The following HAUS5 variants were observed in gnomAD, a reference collection of about 807,000 sequenced individuals.
HAUS5 encodes the protein HAUS augmin-like complex subunit 5.
In HAUS5, 67 loss-of-function variants were observed where a neutral mutation model predicts 94.1. That is an observed-to-expected ratio of 0.71 (90% CI 0.58 to 0.87). HAUS5 has a LOEUF of 0.87. HAUS5 is among the 40% of genes least tolerant of loss of function. HAUS5 has a pLI of 0.00. For missense variants in HAUS5, 739 were observed against 825.6 expected (o/e 0.90, Z 1.29); for synonymous variants, 339 against 355.4 (o/e 0.95, Z 0.52).
chr19:35,614,048 G>A lies in HAUS5; in HGVS notation c.208G>A (p.Asp70Asn), dbSNP rs2071919229. The change falls in exon 4 of 19, where the codon GAC becomes AAC. Residue 70 changes from aspartate (D) to asparagine (N), a missense_variant. Physicochemically the swap from Asp to Asn is conservative, Grantham distance 23 (BLOSUM62 1). Transcript: ENST00000203166. The stretch of plus-strand genomic sequence containing the variant: ...TCGTTTTCCTAGGTATGGCCACCAG[G>A]ACAGTCCACAGGTGAGAAGCATATG... Reference protein sequence around the residue: ...RGNLLWYGHQDSPQVRRKLEL... With the variant: ...RGNLLWYGHQNSPQVRRKLEL... The A allele has an allele frequency of 6.2e-7, 1 of 1,613,932 alleles. No homozygotes were observed. Among genetic ancestry groups the A allele is most frequent in the Non-Finnish European group, 8.5e-7 (1 of 1,179,850 alleles).
intron 17 of HAUS5, among the ~76,000 whole-genome samples, chr19:35,622,298 G>A (rs1967221121): frequency 6.6e-6 from 1 of 151,820 alleles, no homozygotes; most frequent in Non-Finnish European, 1.5e-5. Flanking sequence ...TGAGCGGACA[G>A]GCCATGGAGA....
chr19:35,614,952 C>T (rs1272636184), intron 4 of HAUS5, 90 bp from the exon 5 acceptor site: 4 of 883,406 alleles, frequency 4.5e-6, no homozygotes, highest in Admixed American at 4.9e-5. Flanking sequence ...CAAAAACCCT[C>T]TGCCACCAGT....
chr19:35,621,491 C>T (rs924774706), intron 17 of HAUS5, among the ~76,000 whole-genome samples: 7 of 152,190 alleles, frequency 4.6e-5, no homozygotes, highest in Non-Finnish European at 8.8e-5. Flanking sequence ...CACAGGCATG[C>T]ACCCCACACC....
In HAUS5 at chr19:35,625,220, G is replaced by A. The variant is rs1241011912; in HGVS notation, c.*2227G>A. 1.3e-5 allele frequency: 2 copies of A among 152,146 alleles called. No homozygotes were observed. Among genetic ancestry groups the A allele is most frequent in the East Asian group, 3.8e-4 (2 of 5,202 alleles). 9.4% of individuals were successfully genotyped at this position (152,146 alleles called of 1,614,324 possible). On this transcript the variant is annotated 3_prime_UTR_variant, in exon 19 of 19. Coordinates refer to ENST00000203166, the MANE Select transcript of HAUS5 (RefSeq NM_015302.2). The stretch of plus-strand genomic sequence containing the variant: ...TATACTAAAGCAAATAAGTAGTGAT[G>A]TAATGTCATTGGGGACCAAGATTTT...
intron 4 of HAUS5, among the ~76,000 whole-genome samples, chr19:35,614,771 T>C (rs1049273925): frequency 5.3e-5 from 8 of 151,622 alleles, no homozygotes; most frequent in African/African-American, 1.9e-4. Flanking sequence ...CAGGAGGCCT[T>C]GGGACTTCTA....
intron 8 of HAUS5, among the ~76,000 whole-genome samples, chr19:35,617,638 C>G (rs1423412434): frequency 6.6e-6 from 1 of 152,016 alleles, no homozygotes; most frequent in African/African-American, 2.4e-5. Context: ...GAGAGGTTCT[C>G]TGGTGAGGAG....
chr19:35,617,162 C>T lies in HAUS5; in HGVS notation c.524C>T (p.Ser175Leu). The part of the protein sequence containing the change: ...KVDVTFGSLT[S>L]AALGLEPVVL... ...GATGTGACCTTTGGATCCCTCACGT[C>T]GGCAGCTCTGGGCCTGGAGCCCGTG... Residue 175 changes from serine (S) to leucine (L), a missense_variant, in exon 7 of 19, where the codon TCG (serine) becomes TTG (leucine). By Grantham distance (145) the Ser-to-Leu change is moderately radical. Coordinates refer to ENST00000203166, the MANE Select transcript of HAUS5 (RefSeq NM_015302.2). 3.7e-6 allele frequency: 6 copies of T among 1,614,074 alleles called. No homozygotes were observed. Among genetic ancestry groups the T allele is most frequent in the Middle Eastern group, 1.7e-4 (1 of 6,050 alleles).
rs1489394115 is a variant in HAUS5 at position 35,623,743 on chromosome 19, C to T, written c.*750C>T. 1 of 152,174 alleles carries T rather than the reference C, an allele frequency of 6.6e-6. No individual in the cohort carries two copies. Among genetic ancestry groups the T allele is most frequent in the Non-Finnish European group, 1.5e-5 (1 of 68,044 alleles). 9.4% of individuals were successfully genotyped at this position (152,174 alleles called of 1,614,324 possible). ...AATTCCCAGTCAGAGTGGCAGTTGC[C>T]TCTGAGGGAAGGTGGGTGGCAGGGA... is the stretch of plus-strand genomic sequence containing the variant. On this transcript the variant is annotated 3_prime_UTR_variant, in exon 19 of 19. Coordinates refer to ENST00000203166, the MANE Select transcript of HAUS5 (RefSeq NM_015302.2).
rs1472466856 is a variant in HAUS5 at position 35,613,557 on chromosome 19, C to T, written c.99-173C>T. ...CTATGATCGTACCACTGCGACAGAG[C>T]GAGACTGTCTCTTAAAAAAAAAAAA... On this transcript the variant is annotated intron_variant, in intron 1 of 18. Transcript: ENST00000203166. 19 of 587,598 alleles carry T rather than the reference C, an allele frequency of 3.2e-5. No individual in the cohort carries two copies. In the East Asian group the frequency reaches 3.9e-4, roughly 12 times the overall value. 36.4% of individuals were successfully genotyped at this position (587,598 alleles called of 1,614,324 possible).
Position 35,622,859 on chromosome 19 carries a change from G to A in HAUS5, c.1785-17G>A, listed in dbSNP as rs758115568. 2.1e-5 allele frequency: 34 copies of A among 1,609,404 alleles called. No individual in the cohort carries two copies. Among genetic ancestry groups the A allele is most frequent in the Non-Finnish European group, 2.6e-5 (31 of 1,175,852 alleles). ...GAGGGTCAGTCCTTTCCTCGTTGAC[G>A]CCATGCCATTCCCCAGGTGGGAGCA... On this transcript the variant is annotated splice_polypyrimidine_tract_variant and intron_variant, in intron 18 of 18. Coordinates refer to ENST00000203166, the MANE Select transcript of HAUS5 (RefSeq NM_015302.2).
Position 35,623,094 on chromosome 19 carries a change from A to T in HAUS5, c.*101A>T. 1.2e-6 allele frequency: 1 copy of T among 816,610 alleles called. No individual in the cohort carries two copies. The highest frequency in any genetic ancestry group is 1.6e-5 in the South Asian group (1 of 61,554). The allele number at this position is 816,610 out of a possible 1,614,324, so 50.6% of individuals were successfully genotyped here. A position where few individuals can be genotyped will look rare whatever the true frequency, so the allele number is the denominator to read the frequency against. On this transcript the variant is annotated 3_prime_UTR_variant, in exon 19 of 19. Transcript: ENST00000203166. ...GAAAGCAGCGCCAGGATTCCTCGGCAGTCGTCCCCACCCGCACCTGCAGTC... is the reference window on the plus strand; with the variant it reads ...GAAAGCAGCGCCAGGATTCCTCGGCTGTCGTCCCCACCCGCACCTGCAGTC...
chr19:35,617,032 C>G, intron 6 of HAUS5, 92 bp from the exon 7 acceptor site: 1 of 1,042,494 alleles, frequency 9.6e-7, no homozygotes, highest in East Asian at 2.4e-5. Context: ...CTTAGTGATT[C>G]CTCTGACCGG....
chr19:35,622,478 C>G (rs757368477), intron 17 of HAUS5, 123 bp from the exon 18 acceptor site: 1 of 970,070 alleles, frequency 1.0e-6, no homozygotes, highest in Non-Finnish European at 1.6e-6. Flanking sequence ...GAGACAGACT[C>G]ATCATTGGTT....
rs372157794 is a variant in HAUS5 at position 35,614,025 on chromosome 19, G to A, written c.195-10G>A. 4.0e-5 allele frequency: 64 copies of A among 1,613,696 alleles called. No homozygotes were observed. The highest frequency in any genetic ancestry group is 3.5e-4 in the Admixed American group (21 of 59,988). On this transcript the variant is annotated splice_polypyrimidine_tract_variant and intron_variant, in intron 3 of 18. Coordinates refer to ENST00000203166, the MANE Select transcript of HAUS5 (RefSeq NM_015302.2). ...CCACTCATCCGCTGACTCTGGCCTCGTTTTCCTAGGTATGGCCACCAGGAC... is the reference window on the plus strand; with the variant it reads ...CCACTCATCCGCTGACTCTGGCCTCATTTTCCTAGGTATGGCCACCAGGAC...
At chr19:35,619,525 A>T (rs185653582) in intron 14 of HAUS5, 21 bp downstream of exon 14, 17 of 1,607,160 alleles carry the variant, frequency 1.1e-5, no homozygotes, top group Non-Finnish European at 1.4e-5. Context: ...AGTTGGGGTG[A>T]GGTCTGGGTA....
At position 35,625,181 on chromosome 19, in the gene HAUS5, T is replaced by C. The variant is rs1489031474; in HGVS notation, c.*2188T>C. The stretch of plus-strand genomic sequence containing the variant: ...TTTAAATTTTTGAGATTCTACCTTA[T>C]ATTTTTTGAATTATATACTAAAGCA... On this transcript the variant is annotated 3_prime_UTR_variant, in exon 19 of 19. Coordinates refer to ENST00000203166, the MANE Select transcript of HAUS5 (RefSeq NM_015302.2). 2.6e-5 allele frequency: 4 copies of C among 152,222 alleles called. No homozygotes were observed. Among genetic ancestry groups the C allele is most frequent in the African/African-American group, 9.6e-5 (4 of 41,454 alleles). 9.4% of individuals were successfully genotyped at this position (152,222 alleles called of 1,614,324 possible).
At position 35,612,889 on chromosome 19, in the gene HAUS5, G is replaced by T; in HGVS notation, c.95G>T (p.Arg32Leu). The change falls in exon 1 of 19, where the codon CGC (arginine) becomes CTC (leucine). Residue 32 changes from arginine to leucine, a missense_variant. Transcript: ENST00000203166. ...VAARAPESTL[R>L]RLCLGQGADI... ...GCCCGGGCCCCGGAATCGACGCTGC[G>T]CAGGTGAGGACCGCTCCTGGAGTGA... 1 of 1,543,434 alleles carries T rather than the reference G, an allele frequency of 6.5e-7. No individual in the cohort carries two copies. Among genetic ancestry groups the T allele is most frequent in the African/African-American group, 1.4e-5 (1 of 72,614 alleles).
Position 35,615,939 on chromosome 19 carries a change from C to T in HAUS5, c.485+553C>T, listed in dbSNP as rs564286580. Among the ~76,000 whole-genome samples, 22 of 152,166 alleles carry T rather than the reference C, an allele frequency of 1.4e-4. No homozygotes were observed. The East Asian group carries it at 2.5e-3, about 17-fold the overall frequency. ...GACCGAGAACCTGAGGAGGTGAGGT[C>T]GAAGGAGTGGACAGAGAACTGTGGA... On this transcript the variant is annotated intron_variant, in intron 6 of 18. Coordinates refer to ENST00000203166, the MANE Select transcript of HAUS5 (RefSeq NM_015302.2).
At chr19:35,614,614 A>G (rs1331597974) in intron 4 of HAUS5, among the ~76,000 whole-genome samples, 3 of 152,088 alleles carry the variant, frequency 2.0e-5, no homozygotes, top group African/African-American at 7.2e-5. Context: ...AAGAGCATTA[A>G]TTAGCTGGGC....
Sources: allele counts gnomAD v4.1 joint callset (sites outside exome capture counted in the v4.1 genomes callset), GRCh38; gene constraint gnomAD v4.1.1; transcripts MANE v1.5; gene names NCBI Gene and HGNC (gene_info 2026-07-23, HGNC 2026-07-21).